The following ARHGAP39 variants were observed in gnomAD, a reference collection of about 807,000 sequenced individuals.
ARHGAP39 encodes rho GTPase-activating protein 39.
ARHGAP39 carries 44 observed loss-of-function variants against 106.9 expected under a neutral mutation model. The ratio of observed to expected loss-of-function variants is 0.41; its 90% CI spans 0.32 to 0.53. The LOEUF is 0.53. ARHGAP39 is among the 20% of genes least tolerant of loss of function. The pLI is 0.21. For synonymous variants in ARHGAP39, 768 were observed against 693.2 expected (o/e 1.11, Z -1.69); for missense variants, 1,496 against 1,577.3 (o/e 0.95, Z 0.87).
In ARHGAP39 at chr8:144,580,907, C is replaced by G. The variant is rs1818955868; in HGVS notation, c.451G>C (p.Glu151Gln). Reference protein sequence around the residue: ...EPEPDTEKAQELPARAGRPAA... With the variant: ...EPEPDTEKAQQLPARAGRPAA... ...GGCCGCCCGGCCCTCGCTGGCAACT[C>G]CTGCGCTTTCTCAGTGTCGGGCTCG... Residue 151 changes from glutamate (E) to glutamine (Q), a missense_variant, in exon 3 of 12, where the codon GAG becomes CAG. Coordinates refer to ENST00000377307, the MANE Select transcript of ARHGAP39 (RefSeq NM_025251.3). 1.2e-6 allele frequency: 2 copies of G among 1,604,058 alleles called. No individual in the cohort carries two copies. The highest frequency in any genetic ancestry group is 1.7e-6 in the Non-Finnish European group (2 of 1,178,150).
chr8:144,636,857 C>T (rs1681504132), intron 1 of ARHGAP39, among the ~76,000 whole-genome samples: 1 of 152,180 alleles, frequency 6.6e-6, no homozygotes, highest in South Asian at 2.1e-4. Context: ...GTAAAGAATA[C>T]TACAAAGGAA....
intron 2 of ARHGAP39, among the ~76,000 whole-genome samples, chr8:144,603,729 T>C (rs1288642935): frequency 7.3e-6 from 1 of 137,008 alleles, no homozygotes; most frequent in Non-Finnish European, 1.6e-5. Flanking sequence ...AAAAAGCAAA[T>C]ACACTGCAGT....
At chr8:144,689,688 C>T (rs1254059845), upstream of ARHGAP39, among the ~76,000 whole-genome samples, 1 of 151,500 alleles carries the variant, frequency 6.6e-6, no homozygotes, top group Non-Finnish European at 1.5e-5. Context: ...GATCTGCCCA[C>T]CTCGGCCTCC....
Position 144,530,241 on chromosome 8 carries a change from C to T in ARHGAP39, c.*181G>A. The T allele has an allele frequency of 1.5e-6, 1 of 683,424 alleles. No individual in the cohort carries two copies. The highest frequency in any genetic ancestry group is 2.4e-6 in the Non-Finnish European group (1 of 416,588). 42.3% of individuals were successfully genotyped at this position (683,424 alleles called of 1,614,324 possible). Reference sequence around the variant, plus strand: ...AGGCGCCCTCCCCGCCGCTGCTGTGCCCTGGCTGCACCCTCAGACCAGGCA... The same window carrying T: ...AGGCGCCCTCCCCGCCGCTGCTGTGTCCTGGCTGCACCCTCAGACCAGGCA... On this transcript the variant is annotated 3_prime_UTR_variant, in exon 12 of 12. Transcript: ENST00000377307.
chr8:144,607,544 C>G (rs1586610412), intron 1 of ARHGAP39, among the ~76,000 whole-genome samples: 1 of 152,210 alleles, frequency 6.6e-6, no homozygotes, highest in East Asian at 1.9e-4. Flanking sequence ...CCCGGATGCC[C>G]CAGCTGGTAT....
intron 1 of ARHGAP39, among the ~76,000 whole-genome samples, chr8:144,656,567 C>T (rs1821703451): frequency 6.6e-6 from 1 of 152,030 alleles, no homozygotes; most frequent in Admixed American, 6.6e-5. Context: ...CTCTGGGAGG[C>T]TGTGGTGGGC....
intron 4 of ARHGAP39, among the ~76,000 whole-genome samples, chr8:144,551,677 C>T (rs540447273): frequency 1.5e-4 from 22 of 150,482 alleles, no homozygotes; most frequent in African/African-American, 5.3e-4. Flanking sequence ...AGCCTGCATT[C>T]CCCCAACCCC....
At chr8:144,590,442 G>A (rs924146800) in intron 2 of ARHGAP39, among the ~76,000 whole-genome samples, 2 of 152,184 alleles carry the variant, frequency 1.3e-5, no homozygotes, top group Non-Finnish European at 2.9e-5. Flanking sequence ...GTGAGATCAG[G>A]TTGTTTAAAG....
intron 3 of ARHGAP39, among the ~76,000 whole-genome samples, chr8:144,574,631 G>T (rs146590658): frequency 0.011 from 1,674 of 152,248 alleles, 32 homozygotes; most frequent in African/African-American, 0.039. Flanking sequence ...CTGAGATTGC[G>T]GCACTGCATT....
At chr8:144,569,219 A>G (rs1264311794) in intron 3 of ARHGAP39, among the ~76,000 whole-genome samples, 1 of 152,248 alleles carries the variant, frequency 6.6e-6, no homozygotes, top group African/African-American at 2.4e-5. Flanking sequence ...AAGAGGGTCA[A>G]TGATGAAGGG....
At chr8:144,568,135 C>A (rs1054380199) in intron 3 of ARHGAP39, among the ~76,000 whole-genome samples, 1 of 152,026 alleles carries the variant, frequency 6.6e-6, no homozygotes, top group Non-Finnish European at 1.5e-5. Context: ...AGTTTGAGAT[C>A]AGCCTGGCCA....
chr8:144,542,532 G>A (rs925540377), intron 6 of ARHGAP39, among the ~76,000 whole-genome samples: 1 of 152,210 alleles, frequency 6.6e-6, no homozygotes, highest in African/African-American at 2.4e-5. Context: ...CCACAGTACA[G>A]GCTATATCCG....
chr8:144,538,100 C>T (rs1410224344), intron 6 of ARHGAP39, among the ~76,000 whole-genome samples: 1 of 152,196 alleles, frequency 6.6e-6, no homozygotes, highest in Non-Finnish European at 1.5e-5. Flanking sequence ...AGGGAAGGCG[C>T]CTGGGGAGCA....
At chr8:144,578,773 C>T (rs547361006) in intron 3 of ARHGAP39, among the ~76,000 whole-genome samples, 8 of 151,848 alleles carry the variant, frequency 5.3e-5, no homozygotes, top group Non-Finnish European at 7.4e-5. Context: ...TCACTGGGCC[C>T]GGGAGGTGAG....
intron 1 of ARHGAP39, among the ~76,000 whole-genome samples, chr8:144,652,480 T>C (rs1187843407): frequency 2.0e-5 from 3 of 152,178 alleles, no homozygotes; most frequent in Non-Finnish European, 4.4e-5. Context: ...TGCAGCACTA[T>C]TCACAATAGC....
chr8:144,590,762 C>A (rs59554340), intron 2 of ARHGAP39, among the ~76,000 whole-genome samples: 66 of 152,224 alleles, frequency 4.3e-4, no homozygotes, highest in African/African-American at 1.5e-3. Context: ...CCCCCCACAA[C>A]CCAACCTGCT....
In ARHGAP39 at chr8:144,647,669, G is replaced by C. The variant is rs1261022957; in HGVS notation, c.-82+38017C>G. ...GTGAGGGAAGGAATGACCAATCCAA[G>C]ACAAGAAATGCTCGGGAGCTGGGGG... On this transcript the variant is annotated intron_variant, in intron 1 of 11. Coordinates refer to ENST00000377307, the MANE Select transcript of ARHGAP39 (RefSeq NM_025251.3). The surrounding 1 kb of genome is among the most constrained non-coding windows in gnomAD (Gnocchi z 4.8). Among the ~76,000 whole-genome samples the C allele has an allele frequency of 6.6e-6, 1 of 152,248 alleles. No homozygotes were observed. Among genetic ancestry groups the C allele is most frequent in the Admixed American group, 6.5e-5 (1 of 15,290 alleles).
At chr8:144,622,526 C>T (rs897985416) in intron 1 of ARHGAP39, among the ~76,000 whole-genome samples, 4 of 152,162 alleles carry the variant, frequency 2.6e-5, no homozygotes, top group Admixed American at 2.0e-4. Context: ...GGAGAGGAGG[C>T]CCAGTTCTGG....
intron 1 of ARHGAP39, among the ~76,000 whole-genome samples, chr8:144,621,394 C>T (rs1023332424): frequency 6.6e-6 from 1 of 152,238 alleles, no homozygotes; most frequent in Non-Finnish European, 1.5e-5. Context: ...GGGAAAACCA[C>T]AAACCCCAGG....
Sources: allele counts gnomAD v4.1 joint callset (sites outside exome capture counted in the v4.1 genomes callset), GRCh38; gene constraint gnomAD v4.1.1; non-coding constraint Gnocchi (gnomAD v3.1); transcripts MANE v1.5; gene names NCBI Gene and HGNC (gene_info 2026-07-23, HGNC 2026-07-21).